RPH3A: variants seen among roughly 807,000 people sequenced by gnomAD.
RPH3A encodes rabphilin 3A, also known as rabphilin-3A.
Under a neutral mutation model 102.2 loss-of-function variants are expected in RPH3A, and 48 were observed. The observed-to-expected ratio is 0.47, with a 90% CI of 0.37 to 0.60. The LOEUF (loss-of-function observed/expected upper bound fraction) is 0.60, where lower values mean the gene tolerates loss of function less well. RPH3A is among the 20% of genes least tolerant of loss of function. RPH3A has a pLI of 0.00. For missense variants in RPH3A, 781 were observed against 910.1 expected (o/e 0.86, Z 1.83); for synonymous variants, 310 against 324.3 (o/e 0.96, Z 0.47).
intron 1 of RPH3A, among the ~76,000 whole-genome samples, chr12:112,584,033 TTA>T (rs1194160058): frequency 6.6e-6 from 1 of 152,120 alleles, no homozygotes; most frequent in Non-Finnish European, 1.5e-5. Flanking sequence ...TATAGAGTCT[TTA>T]TGGACTCTGA....
chr12:112,599,259 A>G (rs2039539856), intron 1 of RPH3A, among the ~76,000 whole-genome samples: 1 of 152,216 alleles, frequency 6.6e-6, no homozygotes. Context: ...CTGGGTGCTT[A>G]TAAGGCTTAT....
chr12:112,875,353 T>C (rs1039738159), intron 11 of RPH3A, among the ~76,000 whole-genome samples, 183 bp downstream of exon 11: 2 of 151,598 alleles, frequency 1.3e-5, no homozygotes, highest in African/African-American at 4.9e-5. Flanking sequence ...GGGCAGGGAG[T>C]GGGAGGAGGA....
At chr12:112,679,927 G>C (rs1427346053) in intron 1 of RPH3A, among the ~76,000 whole-genome samples, 1 of 152,276 alleles carries the variant, frequency 6.6e-6, no homozygotes, top group Non-Finnish European at 1.5e-5. Context: ...CAGACTGACA[G>C]TGAGTGGCCG....
At chr12:112,678,611 A>G (rs1179238890) in intron 1 of RPH3A, among the ~76,000 whole-genome samples, 1 of 152,096 alleles carries the variant, frequency 6.6e-6, no homozygotes, top group Non-Finnish European at 1.5e-5. Flanking sequence ...GTTAAAATCT[A>G]TAATGGTCTG....
intron 1 of RPH3A, among the ~76,000 whole-genome samples, chr12:112,733,623 C>T (rs1241817826): frequency 6.6e-6 from 1 of 152,064 alleles, no homozygotes; most frequent in Non-Finnish European, 1.5e-5. Flanking sequence ...ACTGGGGCTA[C>T]CTGAAGAGAA....
intron 1 of RPH3A, among the ~76,000 whole-genome samples, chr12:112,747,104 T>G (rs146636128): frequency 5.6e-4 from 86 of 152,352 alleles, no homozygotes; most frequent in African/African-American, 2.0e-3. Context: ...TTGTTTCCAC[T>G]GCTTGCTATG....
At chr12:112,576,465 C>T (rs1479299434) in intron 1 of RPH3A, among the ~76,000 whole-genome samples, 6 of 151,896 alleles carry the variant, frequency 4.0e-5, no homozygotes, top group African/African-American at 1.2e-4. Context: ...GTGATCCACC[C>T]GTCTCGGCCT....
At chr12:112,649,861 C>T (rs928277244) in intron 1 of RPH3A, among the ~76,000 whole-genome samples, 74 of 152,226 alleles carry the variant, frequency 4.9e-4, no homozygotes, top group African/African-American at 1.7e-3. Context: ...TCTCACCATG[C>T]TCTCACACAG....
intron 1 of RPH3A, among the ~76,000 whole-genome samples, chr12:112,707,206 G>C (rs1351218987): frequency 6.6e-6 from 1 of 152,148 alleles, no homozygotes; most frequent in Non-Finnish European, 1.5e-5. Context: ...GAGCTTACCT[G>C]GCTGGAATCC....
intron 5 of RPH3A, among the ~76,000 whole-genome samples, chr12:112,855,326 C>T (rs1463495296): frequency 6.6e-6 from 1 of 152,184 alleles, no homozygotes; most frequent in Admixed American, 6.5e-5. Flanking sequence ...TAGCATAGCA[C>T]CTGGCACAGT....
At chr12:112,879,033 A>G in intron 13 of RPH3A, 86 bp from the exon 14 acceptor site, 2 of 1,211,106 alleles carry the variant, frequency 1.7e-6, no homozygotes, top group South Asian at 2.6e-5. Flanking sequence ...TTCACAGCCC[A>G]GCCTGGGCAT....
At chr12:112,711,303 G>A (rs979643705) in intron 1 of RPH3A, among the ~76,000 whole-genome samples, 20 of 152,100 alleles carry the variant, frequency 1.3e-4, no homozygotes, top group African/African-American at 4.6e-4. Context: ...TATAAGCATA[G>A]TTTGTTCACT....
At chr12:112,671,509 A>G (rs1003926134) in intron 1 of RPH3A, among the ~76,000 whole-genome samples, 2 of 152,170 alleles carry the variant, frequency 1.3e-5, no homozygotes, top group African/African-American at 4.8e-5. Context: ...TTCTGTTCAC[A>G]TCTCATCAGT....
chr12:112,875,736 A>C lies in RPH3A; in HGVS notation c.941A>C (p.Lys314Thr). The C allele has an allele frequency of 6.2e-7, 1 of 1,613,866 alleles. No individual in the cohort carries two copies. Among genetic ancestry groups the C allele is most frequent in the Non-Finnish European group, 8.5e-7 (1 of 1,179,922 alleles). Residue 314 changes from lysine (K) to threonine (T), a missense_variant, in exon 12 of 22, where the codon AAG (lysine) becomes ACG (threonine). By Grantham distance (78) the Lys-to-Thr change is moderately conservative. This residue lies in a region of RPH3A where 730 missense variants were observed against 810.0 expected (regional missense o/e 0.90). Coordinates refer to ENST00000389385, the MANE Select transcript of RPH3A (RefSeq NM_001143854.2). ...CCAGCAGGACGCTTTCCAGATCAGA[A>C]GCCAGGCAAGTATCTGCTTCCTCCC... Reference protein sequence around the residue: ...PGPAGRFPDQKPEVAPSDPGT... With the variant: ...PGPAGRFPDQTPEVAPSDPGT...
chr12:112,606,596 A>T (rs1166011056), intron 1 of RPH3A, among the ~76,000 whole-genome samples: 2 of 152,050 alleles, frequency 1.3e-5, no homozygotes, highest in East Asian at 1.9e-4. Flanking sequence ...GACCAGGCTG[A>T]TCTTGAACTC....
At chr12:112,839,742 CT>C (rs1343546678) in intron 4 of RPH3A, among the ~76,000 whole-genome samples, 1 of 152,160 alleles carries the variant, frequency 6.6e-6, no homozygotes, top group Non-Finnish European at 1.5e-5. Flanking sequence ...AATCCCAGCA[CT>C]TTGGGAGGCC....
chr12:112,749,769 G>A (rs1318974418), intron 1 of RPH3A, among the ~76,000 whole-genome samples: 3 of 152,216 alleles, frequency 2.0e-5, no homozygotes, highest in African/African-American at 4.8e-5. Context: ...CTTTAAAGAA[G>A]AGCTTATTTT....
At chr12:112,688,612 C>A (rs150755392) in intron 1 of RPH3A, among the ~76,000 whole-genome samples, 1 of 152,126 alleles carries the variant, frequency 6.6e-6, no homozygotes, top group African/African-American at 2.4e-5. Flanking sequence ...CTGAAAAAAA[C>A]CAATGGGAAC....
intron 5 of RPH3A, among the ~76,000 whole-genome samples, chr12:112,861,474 AG>A (rs2042511931): frequency 6.6e-6 from 1 of 152,102 alleles, no homozygotes. Context: ...AGCAGGGTGG[AG>A]GTTGGCCTGT....
Sources: allele counts gnomAD v4.1 joint callset (sites outside exome capture counted in the v4.1 genomes callset), GRCh38; gene constraint gnomAD v4.1.1; regional missense constraint gnomAD v4.1.1; transcripts MANE v1.5; gene names NCBI Gene and HGNC (gene_info 2026-07-23, HGNC 2026-07-21).